Variants in NRG1 observed in about 807,000 individuals in gnomAD.
The protein encoded by NRG1 is pro-neuregulin-1, membrane-bound isoform.
NRG1 carries 18 observed loss-of-function variants against 63.8 expected under a neutral mutation model. That is an observed-to-expected ratio of 0.28 (90% confidence interval 0.19 to 0.42). NRG1 has a LOEUF of 0.42. NRG1 is among the 10% of genes least tolerant of loss of function. The pLI is 1.00. For synonymous variants in NRG1, 302 were observed against 301.3 expected (o/e 1.00, Z -0.02); for missense variants, 762 against 814.7 (o/e 0.94, Z 0.79).
chr8:32,594,487 G>T (rs1306293504), intron 1 of NRG1, among the ~76,000 whole-genome samples: 1 of 152,134 alleles, frequency 6.6e-6, no homozygotes, highest in Admixed American at 6.5e-5. Flanking sequence ...ATGATAAACA[G>T]AATTAGACAT....
intron 1 of NRG1, among the ~76,000 whole-genome samples, chr8:32,585,796 T>C (rs1434812768): frequency 3.9e-5 from 6 of 152,206 alleles, no homozygotes; most frequent in Admixed American, 2.6e-4. Flanking sequence ...AGTGCAGAAA[T>C]AATGTCATGT....
At chr8:31,855,224 C>T (rs1407992485) in intron 1 of NRG1, among the ~76,000 whole-genome samples, 1 of 152,024 alleles carries the variant, frequency 6.6e-6, no homozygotes. Flanking sequence ...TTAAAGTCTC[C>T]CATTAACAAT....
intron 1 of NRG1, among the ~76,000 whole-genome samples, chr8:32,069,482 G>A (rs1336672767): frequency 6.6e-6 from 1 of 152,176 alleles, no homozygotes; most frequent in African/African-American, 2.4e-5. Context: ...GAATTAAATA[G>A]AACTTTCTAG....
intron 1 of NRG1, among the ~76,000 whole-genome samples, chr8:31,710,175 G>A (rs1432967193): frequency 6.6e-6 from 1 of 151,560 alleles, no homozygotes; most frequent in East Asian, 1.9e-4. Context: ...GTTTTGGAGG[G>A]GGTTTTAAAA....
In NRG1 at chr8:31,894,546, C is replaced by CTTTTTTTTTTTTTTTTTTTTTTTTTTTT. The variant is rs370312165; in HGVS notation, c.37+255121_37+255122insTTTTTTTTTTTTTTTTTTTTTTTTTTTT. Among the ~76,000 whole-genome samples the CTTTTTTTTTTTTTTTTTTTTTTTTTTTT allele has an allele frequency of 2.0e-5, 2 of 98,066 alleles. 1 individual carries two copies. Among genetic ancestry groups the CTTTTTTTTTTTTTTTTTTTTTTTTTTTT allele is most frequent in the African/African-American group, 6.6e-5 (2 of 30,082 alleles). 64.3% of individuals were successfully genotyped at this position (98,066 alleles called of 152,430 possible). On this transcript the variant is annotated intron_variant, in intron 1 of 10. Coordinates refer to the NRG1 transcript ENST00000519301. ...GTGAAATCATAATTGCTATTTCTTT[C>CTTTTTTTTTTTTTTTTTTTTTTTTTTTT]TTTTTTCTTTTTTTTTTTTTTTGAG...
chr8:31,973,348 C>G (rs1235052433), intron 1 of NRG1, among the ~76,000 whole-genome samples: 2 of 152,116 alleles, frequency 1.3e-5, no homozygotes, highest in African/African-American at 4.8e-5. Flanking sequence ...AAGGTTCTAA[C>G]TATTTTTAGA....
intron 1 of NRG1, among the ~76,000 whole-genome samples, chr8:31,766,688 A>G (rs1438314969): frequency 6.6e-6 from 1 of 152,208 alleles, no homozygotes; most frequent in South Asian, 2.1e-4. Flanking sequence ...AAACACGAAC[A>G]CTATACTTCT....
At chr8:32,280,680 G>GT (rs1235833561) in intron 1 of NRG1, among the ~76,000 whole-genome samples, 1,263 of 53,440 alleles carry the variant, frequency 0.024, 76 homozygotes, top group East Asian at 0.046. Context: ...ACTGAATTAG[G>GT]TTTTTTTTTT....
intron 1 of NRG1, among the ~76,000 whole-genome samples, chr8:31,908,619 A>G (rs1399408789): frequency 6.6e-6 from 1 of 152,176 alleles, no homozygotes; most frequent in African/African-American, 2.4e-5. Context: ...TTCATTCTAC[A>G]TTTGTATTTC....
chr8:31,730,057 C>A lies in NRG1; in HGVS notation c.37+90626C>A, dbSNP rs186160722. 6.6e-5 allele frequency among the ~76,000 whole-genome samples: 10 copies of A among 152,052 alleles called. No individual in the cohort carries two copies. The East Asian group carries it at 1.9e-3, about 29-fold the overall frequency. On this transcript the variant is annotated intron_variant, in intron 1 of 10. Coordinates refer to the NRG1 transcript ENST00000519301. ...CCTTAAGTAGTTAGATGATTGCAGG[C>A]CAAGAGCAATACAGTCAAACTGATT... is the stretch of plus-strand genomic sequence containing the variant.
intron 1 of NRG1, among the ~76,000 whole-genome samples, chr8:32,290,907 A>ATGTG (rs148186950): frequency 0.054 from 8,082 of 149,810 alleles, 257 homozygotes; most frequent in South Asian, 0.079. Flanking sequence ...GAGACACAGG[A>ATGTG]TGTGTGTGTG....
intron 1 of NRG1, among the ~76,000 whole-genome samples, chr8:32,496,548 C>A (rs1827220018): frequency 6.6e-6 from 1 of 151,950 alleles, no homozygotes; most frequent in African/African-American, 2.4e-5. Flanking sequence ...TATGATTGAG[C>A]CACTGCACTC....
chr8:31,839,378 G>T (rs1825979866), intron 1 of NRG1, among the ~76,000 whole-genome samples: 1 of 152,056 alleles, frequency 6.6e-6, no homozygotes, highest in Non-Finnish European at 1.5e-5. Context: ...CAAATAAACA[G>T]AAAATATTTT....
intron 1 of NRG1, among the ~76,000 whole-genome samples, chr8:31,842,577 C>T (rs989737920): frequency 1.3e-5 from 2 of 152,140 alleles, no homozygotes; most frequent in African/African-American, 4.8e-5. Flanking sequence ...CCATCATGTT[C>T]CTTCTACCTG....
chr8:32,548,361 C>A, exon 1 of NRG1: 1 of 1,019,706 alleles, frequency 9.8e-7, no homozygotes, highest in Non-Finnish European at 1.2e-6. Flanking sequence ...TGAGCGGCGG[C>A]GGCTGCCGGA....
At chr8:32,749,698 GA>G in intron 7 of NRG1, 1 of 973,592 alleles carries the variant, frequency 1.0e-6, no homozygotes, top group African/African-American at 1.6e-5. Context: ...TTTTTCTTTA[GA>G]AGGGATCATA....
At chr8:32,092,735 G>A (rs976787350) in intron 1 of NRG1, among the ~76,000 whole-genome samples, 6 of 152,212 alleles carry the variant, frequency 3.9e-5, no homozygotes, top group Admixed American at 1.3e-4. Flanking sequence ...ACTGCCACAT[G>A]CCTCTGGCTC....
At chr8:32,312,157 GTTTTTTTTTTTTTT>G (rs35888973) in intron 1 of NRG1, among the ~76,000 whole-genome samples, 1 of 74,402 alleles carries the variant, frequency 1.3e-5, no homozygotes. Flanking sequence ...GACCTTGTTT[GTTTTTTTTTTTTTT>G]TTTTTTTTTG....
intron 1 of NRG1, among the ~76,000 whole-genome samples, chr8:32,262,838 T>A (rs61503226): frequency 6.6e-6 from 1 of 151,810 alleles, no homozygotes; most frequent in Non-Finnish European, 1.5e-5. Flanking sequence ...TTAGAAAATA[T>A]GTAAATAATA....
Sources: gnomAD v4.1 joint callset for allele counts (sites outside exome capture counted in the v4.1 genomes callset) on GRCh38, gnomAD v4.1.1 for gene constraint, MANE v1.5 for transcripts, NCBI Gene and HGNC (gene_info 2026-07-23, HGNC 2026-07-21) for gene names.